The following ARAP2 variants were observed in gnomAD, a reference collection of about 807,000 sequenced individuals.
The protein encoded by ARAP2 is arf-GAP with Rho-GAP domain, ANK repeat and PH domain-containing protein 2.
Under a neutral mutation model 194.5 loss-of-function variants are expected in ARAP2, and 148 were observed. That is an observed-to-expected ratio of 0.76 (90% CI 0.67 to 0.87). The LOEUF (loss-of-function observed/expected upper bound fraction) is 0.87. Among genes scored for constraint, ARAP2 ranks in the 40% least tolerant of loss-of-function variants. ARAP2 has a pLI of 0.00. For synonymous variants in ARAP2, 695 were observed against 683.5 expected, an observed-to-expected ratio of 1.02 and a Z score of -0.26; for missense variants, 2,128 against 1,989.7, an observed-to-expected ratio of 1.07 and a Z score of -1.32.
rs1720773795 is a variant in ARAP2 at position 36,114,267 on chromosome 4, T to TGCTTC, written c.4054_4058dup (p.Glu1354LysfsTer5). On this transcript the variant is annotated frameshift_variant, in exon 26 of 33. Coordinates refer to ENST00000303965, the MANE Select transcript of ARAP2 (RefSeq NM_015230.4). LOFTEE classifies it high-confidence loss of function. Reference sequence around the variant, plus strand: ...CTAATATATCATTAGTTAATTCTTCTGCTTCCATCACAGGAGATATCTGTA... The same window carrying TGCTTC: ...CTAATATATCATTAGTTAATTCTTCTGCTTCGCTTCCATCACAGGAGATATCTGTA... The TGCTTC allele has an allele frequency of 6.3e-7, 1 of 1,586,406 alleles. No individual in the cohort carries two copies. Among genetic ancestry groups the TGCTTC allele is most frequent in the African/African-American group, 1.4e-5 (1 of 73,868 alleles).
rs1210761024 is a variant in ARAP2 at position 36,224,539 on chromosome 4, C to T, written c.905+4043G>A. 2.0e-5 allele frequency among the ~76,000 whole-genome samples: 3 copies of T among 152,210 alleles called. No homozygotes were observed. In the South Asian group the frequency reaches 6.2e-4, roughly 32 times the overall value. On this transcript the variant is annotated intron_variant, in intron 2 of 32. Coordinates refer to ENST00000303965, the MANE Select transcript of ARAP2 (RefSeq NM_015230.4). Reference sequence around the variant, plus strand: ...AGAACTACTGCAACACATAAGTTTACAACATCATGAATTTTTTAATCTACT... The same window carrying T: ...AGAACTACTGCAACACATAAGTTTATAACATCATGAATTTTTTAATCTACT...
intron 27 of ARAP2, among the ~76,000 whole-genome samples, chr4:36,098,865 G>T (rs1402497501): frequency 1.3e-5 from 2 of 151,848 alleles, no homozygotes; most frequent in South Asian, 2.1e-4. Context: ...CATCATATTT[G>T]CTTCATAATT....
At chr4:36,044,987 A>G (rs1721560549) in intron 5 of ARAP2, among the ~76,000 whole-genome samples, 1 of 152,196 alleles carries the variant, frequency 6.6e-6, no homozygotes, top group African/African-American at 2.4e-5. Flanking sequence ...ATACAAAGTA[A>G]AACCACAACA....
intron 4 of ARAP2, among the ~76,000 whole-genome samples, chr4:36,212,755 A>G (rs1329223646): frequency 6.6e-6 from 1 of 151,964 alleles, no homozygotes; most frequent in Admixed American, 6.6e-5. Flanking sequence ...AATAAAATTT[A>G]TGTACTTTTA....
chr4:36,157,147 G>A (rs1323666264), intron 15 of ARAP2, among the ~76,000 whole-genome samples: 2 of 152,110 alleles, frequency 1.3e-5, no homozygotes, highest in African/African-American at 2.4e-5. Context: ...AAAGCCTTAG[G>A]AAGAAAATCT....
intron 28 of ARAP2, among the ~76,000 whole-genome samples, chr4:36,088,287 G>C (rs1263132224): frequency 6.6e-6 from 1 of 152,014 alleles, no homozygotes; most frequent in Non-Finnish European, 1.5e-5. Context: ...ATCAAGGTGG[G>C]CGGTCCACTG....
At chr4:36,050,573 T>A (rs954702832) in intron 3 of ARAP2, among the ~76,000 whole-genome samples, 13 of 152,348 alleles carry the variant, frequency 8.5e-5, no homozygotes, top group Admixed American at 3.3e-4. Context: ...TTTAAATAAG[T>A]GTTTCAAGAA....
chr4:36,144,204 A>G (rs1197792747), intron 19 of ARAP2, among the ~76,000 whole-genome samples: 1 of 151,892 alleles, frequency 6.6e-6, no homozygotes, highest in Non-Finnish European at 1.5e-5. Flanking sequence ...ATAACCTGAA[A>G]AAATGAAAAG....
chr4:36,177,711 T>C, intron 9 of ARAP2, 116 bp downstream of exon 9: 1 of 1,045,692 alleles, frequency 9.6e-7, no homozygotes, highest in Admixed American at 2.9e-5. Context: ...TTTAGTGGAG[T>C]ACACAATGCT....
intron 27 of ARAP2, among the ~76,000 whole-genome samples, chr4:36,097,407 C>A (rs1234557791): frequency 5.3e-5 from 8 of 151,936 alleles, no homozygotes; most frequent in Non-Finnish European, 8.8e-5. Flanking sequence ...AGAAAGCCAC[C>A]AATTAAAGGC....
intron 15 of ARAP2, among the ~76,000 whole-genome samples, chr4:36,153,635 A>G (rs1467949666): frequency 6.6e-6 from 1 of 152,220 alleles, no homozygotes; most frequent in Non-Finnish European, 1.5e-5. Flanking sequence ...GATTTACTCA[A>G]GCACAGGTAA....
intron 19 of ARAP2, among the ~76,000 whole-genome samples, chr4:36,144,221 C>T (rs1729049184): frequency 6.6e-6 from 1 of 151,736 alleles, no homozygotes; most frequent in Non-Finnish European, 1.5e-5. Flanking sequence ...AAAGGATAAA[C>T]ACATTTGTTA....
chr4:36,126,214 A>T (rs1577982393), intron 21 of ARAP2, among the ~76,000 whole-genome samples: 1 of 152,064 alleles, frequency 6.6e-6, no homozygotes, highest in Non-Finnish European at 1.5e-5. Flanking sequence ...AATTCCCAGT[A>T]TAATGCAAAC....
intron 3 of ARAP2, among the ~76,000 whole-genome samples, chr4:36,050,284 T>G (rs1401560941): frequency 1.3e-5 from 2 of 152,220 alleles, no homozygotes; most frequent in African/African-American, 2.4e-5. Context: ...AGCCAGAAAG[T>G]CAAAACCATA....
At chr4:36,055,142 A>G (rs900935161) in intron 2 of ARAP2, among the ~76,000 whole-genome samples, 1 of 152,214 alleles carries the variant, frequency 6.6e-6, no homozygotes. Flanking sequence ...TGCATTTAAA[A>G]TATTTTAAGT....
exon 9 of ARAP2, chr4:36,012,681 A>C (rs1002768762): frequency 1.3e-5 from 2 of 152,170 alleles, no homozygotes; most frequent in African/African-American, 4.8e-5. Context: ...ACATTTCCAA[A>C]GGGCATACTT....
chr4:36,025,693 A>C lies in ARAP2; in HGVS notation n.608-6407T>G, dbSNP rs140127563. 2.1e-3 allele frequency among the ~76,000 whole-genome samples: 324 copies of C among 152,316 alleles called. 1 individual carries two copies. The highest frequency in any genetic ancestry group is 3.4e-3 in the Non-Finnish European group (233 of 68,024). ...ACACTTTGCAGAAAGAAAAAAAAAA[A>C]ACCTTGAAATGCAGAAGGTAACCAC... is the stretch of plus-strand genomic sequence containing the variant. On this transcript the variant is annotated intron_variant and non_coding_transcript_variant, in intron 5 of 12. Coordinates refer to the ARAP2 transcript ENST00000503225.
chr4:36,105,540 T>A (rs1443575092), intron 27 of ARAP2, among the ~76,000 whole-genome samples: 4 of 151,916 alleles, frequency 2.6e-5, no homozygotes, highest in African/African-American at 9.7e-5. Context: ...ATGGGATAGG[T>A]GGAACATCAC....
chr4:36,119,540 T>G (rs1577956945), intron 24 of ARAP2, 110 bp downstream of exon 24: 4 of 705,938 alleles, frequency 5.7e-6, no homozygotes, highest in Admixed American at 5.5e-5. Flanking sequence ...ACTCATTACT[T>G]TTACTTTGCT....
Sources: gnomAD v4.1 joint callset for allele counts (sites outside exome capture counted in the v4.1 genomes callset) on GRCh38, gnomAD v4.1.1 for gene constraint, MANE v1.5 for transcripts, NCBI Gene and HGNC (gene_info 2026-07-23, HGNC 2026-07-21) for gene names.